The following LOC400499 variants were observed in gnomAD, a reference collection of about 807,000 sequenced individuals.
At chr16:11,427,415 TAAAGCC>T in the LOC400499 span, among the ~76,000 whole-genome samples, 1 of 144,256 alleles carries the variant, frequency 6.9e-6, no homozygotes, top group Non-Finnish European at 1.5e-5. Context: ...AAATGCAAAT[TAAAGCC>T]ACAAGGAGAA....
chr16:11,515,085 C>T, the LOC400499 span, among the ~76,000 whole-genome samples: 1 of 152,110 alleles, frequency 6.6e-6, no homozygotes, highest in East Asian at 1.9e-4. Context: ...GTGGCCGGAA[C>T]GCTTGAGCTC....
the LOC400499 span, among the ~76,000 whole-genome samples, chr16:11,494,395 C>T: frequency 1.1e-4 from 11 of 103,906 alleles, no homozygotes; most frequent in Admixed American, 4.0e-4. Flanking sequence ...GGGGCAGTGG[C>T]GTGGGGGGGC....
the LOC400499 span, among the ~76,000 whole-genome samples, chr16:11,479,983 A>G: frequency 1.2e-4 from 18 of 152,244 alleles, no homozygotes; most frequent in Non-Finnish European, 1.6e-4. Flanking sequence ...ATTTGATATA[A>G]AACCCAGCTC....
chr16:11,504,561 C>A, the LOC400499 span, among the ~76,000 whole-genome samples: 42 of 150,370 alleles, frequency 2.8e-4, no homozygotes, highest in South Asian at 4.8e-3. Context: ...GTCCCCCCCC[C>A]CAAAAAAAAG....
the LOC400499 span, chr16:11,372,878 C>T: frequency 5.3e-6 from 1 of 187,770 alleles, no homozygotes; most frequent in African/African-American, 2.4e-5. Context: ...CCACTCATCT[C>T]CCTCCCGCCT....
At chr16:11,407,329 G>A in the LOC400499 span, 1 of 392,142 alleles carries the variant, frequency 2.6e-6, no homozygotes, top group Non-Finnish European at 4.5e-6. Context: ...CACCCTTGGA[G>A]TAGTGTAGCT....
the LOC400499 span, among the ~76,000 whole-genome samples, chr16:11,465,825 G>C: frequency 1.5e-5 from 2 of 132,612 alleles, no homozygotes; most frequent in South Asian, 5.6e-4. Flanking sequence ...AGACATGGGG[G>C]AAAGTGGGGG....
At chr16:11,434,818 A>C in the LOC400499 span, among the ~76,000 whole-genome samples, 12 of 152,116 alleles carry the variant, frequency 7.9e-5, no homozygotes, top group Non-Finnish European at 1.8e-4. Flanking sequence ...CCGAGTTGGG[A>C]CTTGAACCCA....
chr16:11,517,905 G>A, the LOC400499 span, among the ~76,000 whole-genome samples: 3 of 152,216 alleles, frequency 2.0e-5, no homozygotes, highest in African/African-American at 7.2e-5. Flanking sequence ...AGGCTAGCAA[G>A]ACAAAACCCT....
chr16:11,424,007 G>A, the LOC400499 span: 7 of 398,816 alleles, frequency 1.8e-5, no homozygotes, highest in African/African-American at 6.2e-5. Flanking sequence ...CAGCCCGGCC[G>A]CCAGACTACG....
the LOC400499 span, among the ~76,000 whole-genome samples, chr16:11,513,683 G>A: frequency 3.9e-5 from 6 of 152,058 alleles, no homozygotes; most frequent in African/African-American, 1.2e-4. Context: ...CGCCTACCTC[G>A]GCCTCCCAAA....
chr16:11,425,614 T>C, the LOC400499 span, among the ~76,000 whole-genome samples: 2 of 152,314 alleles, frequency 1.3e-5, no homozygotes, highest in African/African-American at 4.8e-5. Context: ...CCTCCCAGGA[T>C]ACTCTGAAAA....
chr16:11,423,578 TCACA>T, the LOC400499 span, among the ~76,000 whole-genome samples: 12 of 152,200 alleles, frequency 7.9e-5, no homozygotes, highest in Non-Finnish European at 1.6e-4. Context: ...TTGCATGTGG[TCACA>T]CAGTCAGCGA....
chr16:11,377,391 T>C, the LOC400499 span, among the ~76,000 whole-genome samples: 2 of 152,244 alleles, frequency 1.3e-5, no homozygotes, highest in Non-Finnish European at 1.5e-5. Context: ...CAGGCATCAT[T>C]GTTTAATTCC....
chr16:11,438,811 C>T, the LOC400499 span, among the ~76,000 whole-genome samples: 1 of 150,976 alleles, frequency 6.6e-6, no homozygotes, highest in African/African-American at 2.4e-5. Flanking sequence ...AAAATGCTAT[C>T]GGGCTAGGTG....
chr16:11,386,717 A>C, the LOC400499 span, among the ~76,000 whole-genome samples: 3 of 152,132 alleles, frequency 2.0e-5, no homozygotes, highest in Non-Finnish European at 2.9e-5. Flanking sequence ...AGTCCCACAG[A>C]GGTTAGACTT....
At chr16:11,524,553 G>A in the LOC400499 span, among the ~76,000 whole-genome samples, 1 of 152,096 alleles carries the variant, frequency 6.6e-6, no homozygotes, top group East Asian at 1.9e-4. Flanking sequence ...AGACCAAGAG[G>A]CTGCTGCAGG....
the LOC400499 span, chr16:11,439,667 C>A: frequency 2.5e-6 from 1 of 398,274 alleles, no homozygotes; most frequent in Non-Finnish European, 4.4e-6. Flanking sequence ...GCAAATGCAT[C>A]CCAGAATATG....
the LOC400499 span, among the ~76,000 whole-genome samples, chr16:11,495,268 C>T: frequency 6.6e-6 from 1 of 151,936 alleles, no homozygotes; most frequent in Non-Finnish European, 1.5e-5. Flanking sequence ...GCCCACGACT[C>T]AGACGCCCAG....
Sources: gnomAD v4.1 joint callset for allele counts (sites outside exome capture counted in the v4.1 genomes callset) on GRCh38, gnomAD v4.1.1 for gene constraint, MANE v1.5 for transcripts.